CA10: variants seen among roughly 807,000 people sequenced by gnomAD.
CA10 encodes carbonic anhydrase 10 (inactive), also known as carbonic anhydrase-related protein 10.
CA10 carries 14 observed loss-of-function variants against 44.2 expected under a neutral mutation model. The observed-to-expected ratio is 0.32, with a 90% CI of 0.21 to 0.50. CA10 has a LOEUF of 0.50. Among genes scored for constraint, CA10 ranks in the 20% least tolerant of loss-of-function variants. The probability of loss-of-function intolerance (pLI) is 0.99; values close to 1 mark genes in which losing one functional copy is unlikely to be tolerated. For missense variants in CA10, 350 were observed against 409.7 expected, an observed-to-expected ratio of 0.85 and a Z score of 1.26; for synonymous variants, 159 against 141.6, an observed-to-expected ratio of 1.12 and a Z score of -0.87.
At chr17:51,663,051 C>T (rs569538701) in intron 4 of CA10, among the ~76,000 whole-genome samples, 1 of 152,152 alleles carries the variant, frequency 6.6e-6, no homozygotes, top group South Asian at 2.1e-4. Context: ...TTTCTTTATG[C>T]ATAATATAGG....
At chr17:52,153,277 C>T (rs73987498) in intron 1 of CA10, among the ~76,000 whole-genome samples, 6,884 of 152,158 alleles carry the variant, frequency 0.045, 399 homozygotes, top group Middle Eastern at 0.14. Context: ...TTTAAAGAAA[C>T]CACATTGCTA....
chr17:51,939,331 A>G (rs1337861353), intron 2 of CA10, among the ~76,000 whole-genome samples: 2 of 152,110 alleles, frequency 1.3e-5, no homozygotes, highest in Non-Finnish European at 2.9e-5. Context: ...AGTTATTTCC[A>G]TCTTACTTTA....
chr17:51,767,975 G>A (rs1905451848), intron 3 of CA10, among the ~76,000 whole-genome samples: 1 of 152,074 alleles, frequency 6.6e-6, no homozygotes, highest in Non-Finnish European at 1.5e-5. Context: ...CTAAACTACA[G>A]ACTTTATTTG....
At chr17:51,898,701 C>A (rs375795400) in intron 3 of CA10, among the ~76,000 whole-genome samples, 1 of 152,032 alleles carries the variant, frequency 6.6e-6, no homozygotes. Flanking sequence ...GGTTGATAGG[C>A]TTTTTATTAT....
chr17:51,754,400 GATATATATATATATATATATATATAT>G (rs56145404), intron 3 of CA10, among the ~76,000 whole-genome samples: 19,616 of 73,282 alleles, frequency 0.27, 2,382 homozygotes, highest in East Asian at 0.49. Context: ...GTGTGTGTGT[GATATATATATATATATATATATATAT>G]ATATATATAT....
chr17:51,917,310 C>G (rs567743795), intron 3 of CA10, among the ~76,000 whole-genome samples: 1 of 105,996 alleles, frequency 9.4e-6, no homozygotes, highest in South Asian at 3.6e-4. Context: ...CAGGAGACAC[C>G]TTGCCTGGGA....
intron 6 of CA10, among the ~76,000 whole-genome samples, chr17:51,636,243 G>C (rs768231896): frequency 6.6e-6 from 1 of 152,092 alleles, no homozygotes; most frequent in Non-Finnish European, 1.5e-5. Context: ...TGTATTTCTT[G>C]CTCACACACA....
At chr17:51,991,296 A>G (rs1167390950) in intron 2 of CA10, among the ~76,000 whole-genome samples, 1 of 152,072 alleles carries the variant, frequency 6.6e-6, no homozygotes, top group East Asian at 1.9e-4. Context: ...AAACTTTCTA[A>G]TGGCCAGCTG....
chr17:51,781,952 A>G (rs1257116096), intron 3 of CA10, among the ~76,000 whole-genome samples: 1 of 152,318 alleles, frequency 6.6e-6, no homozygotes, highest in South Asian at 2.1e-4. Context: ...TTTGCTCCAA[A>G]TCTTAACAGC....
chr17:51,977,336 G>T (rs996955389), intron 2 of CA10, among the ~76,000 whole-genome samples: 5 of 151,422 alleles, frequency 3.3e-5, no homozygotes, highest in South Asian at 2.1e-4. Flanking sequence ...TTAAAAAAAG[G>T]TTCTATATAA....
At chr17:51,665,361 A>C (rs919329362) in intron 4 of CA10, among the ~76,000 whole-genome samples, 6 of 152,200 alleles carry the variant, frequency 3.9e-5, no homozygotes, top group Non-Finnish European at 8.8e-5. Context: ...TCTGTCATTC[A>C]GTAGGTAGGT....
intron 4 of CA10, among the ~76,000 whole-genome samples, chr17:51,742,415 C>T (rs1485452585): frequency 6.6e-6 from 1 of 152,132 alleles, no homozygotes; most frequent in Non-Finnish European, 1.5e-5. Context: ...CCTAATGGGG[C>T]CCTGGCTCTC....
chr17:52,063,037 T>C (rs932573798), intron 2 of CA10, among the ~76,000 whole-genome samples: 1 of 152,230 alleles, frequency 6.6e-6, no homozygotes, highest in Non-Finnish European at 1.5e-5. Context: ...AGCCCACTTC[T>C]CATATCAGTA....
intron 2 of CA10, among the ~76,000 whole-genome samples, chr17:51,941,105 T>A (rs541475130): frequency 2.6e-5 from 4 of 152,264 alleles, no homozygotes; most frequent in African/African-American, 9.6e-5. Flanking sequence ...AAGAGTTGAG[T>A]AATTTATCCA....
intron 3 of CA10, among the ~76,000 whole-genome samples, chr17:51,928,742 G>A (rs1234044052): frequency 6.6e-6 from 1 of 151,970 alleles, no homozygotes; most frequent in African/African-American, 2.4e-5. Context: ...ATTTCTTTAA[G>A]GGAAAACAAA....
At chr17:51,972,218 GA>G (rs1313305846) in intron 2 of CA10, among the ~76,000 whole-genome samples, 1 of 152,038 alleles carries the variant, frequency 6.6e-6, no homozygotes, top group Non-Finnish European at 1.5e-5. Context: ...TCTGGTCATG[GA>G]AAGGTTCAGA....
intron 3 of CA10, among the ~76,000 whole-genome samples, chr17:51,830,469 TC>T (rs1186066814): frequency 1.3e-5 from 2 of 152,188 alleles, no homozygotes; most frequent in Non-Finnish European, 2.9e-5. Flanking sequence ...GCCTTACAAT[TC>T]TATGCTTCCA....
chr17:51,707,669 ATATGTG>A (rs969756728), intron 4 of CA10, among the ~76,000 whole-genome samples: 1 of 39,746 alleles, frequency 2.5e-5, no homozygotes, highest in African/African-American at 6.6e-5. Flanking sequence ...AAGTGGATGA[ATATGTG>A]TGTGTGTGTG....
intron 3 of CA10, among the ~76,000 whole-genome samples, chr17:51,784,208 G>A (rs140347651): frequency 1.5e-3 from 222 of 152,276 alleles, no homozygotes; most frequent in Non-Finnish European, 2.9e-3. Context: ...GAGCTGGCTG[G>A]ACCCCATGGA....
Sources: allele counts gnomAD v4.1 joint callset (sites outside exome capture counted in the v4.1 genomes callset), GRCh38; gene constraint gnomAD v4.1.1; transcripts MANE v1.5; gene names NCBI Gene and HGNC (gene_info 2026-07-23, HGNC 2026-07-21).